The following FHOD3 variants were observed in gnomAD, a reference collection of about 807,000 sequenced individuals.
FHOD3 encodes FH1/FH2 domain-containing protein 3.
FHOD3 carries 90 observed loss-of-function variants against 173.0 expected under a neutral mutation model. The ratio of observed to expected loss-of-function variants is 0.52; its 90% CI spans 0.44 to 0.62. The LOEUF is 0.62. Among genes scored for constraint, FHOD3 ranks in the 20% least tolerant of loss-of-function variants. FHOD3 has a pLI of 0.00. For synonymous variants in FHOD3, 828 were observed against 823.0 expected (o/e 1.01, Z -0.10); for missense variants, 1,945 against 2,034.7 (o/e 0.96, Z 0.85).
chr18:36,402,773 T>A (rs2146704237), intron 3 of FHOD3, among the ~76,000 whole-genome samples: 1 of 152,360 alleles, frequency 6.6e-6, no homozygotes, highest in African/African-American at 2.4e-5. Context: ...ATCTTTCTGA[T>A]TTTTAAGGCT....
At chr18:36,650,348 A>C (rs144173568) in intron 11 of FHOD3, among the ~76,000 whole-genome samples, 73 of 152,258 alleles carry the variant, frequency 4.8e-4, no homozygotes, top group African/African-American at 1.6e-3. Flanking sequence ...AGAAGTTCTC[A>C]GATGGGCTCA....
At chr18:36,515,143 A>C (rs1422408424) in intron 5 of FHOD3, among the ~76,000 whole-genome samples, 2 of 152,218 alleles carry the variant, frequency 1.3e-5, no homozygotes, top group African/African-American at 4.8e-5. Context: ...ATGGGAGATG[A>C]TGTTGATACA....
chr18:36,546,565 C>T (rs1158415952), intron 5 of FHOD3, among the ~76,000 whole-genome samples: 1 of 152,124 alleles, frequency 6.6e-6, no homozygotes, highest in East Asian at 1.9e-4. Flanking sequence ...AGGAAGTTCC[C>T]CTTGTTCCGT....
chr18:36,554,044 G>A (rs2147427570), intron 5 of FHOD3, among the ~76,000 whole-genome samples: 1 of 152,298 alleles, frequency 6.6e-6, no homozygotes, highest in South Asian at 2.1e-4. Flanking sequence ...TGGTGGGACT[G>A]TAAACTAGTT....
intron 1 of FHOD3, among the ~76,000 whole-genome samples, chr18:36,344,901 A>G (rs1371580919): frequency 1.3e-5 from 2 of 152,186 alleles, no homozygotes; most frequent in African/African-American, 4.8e-5. Context: ...TAACAGACGT[A>G]CTCTTCAGGC....
At chr18:36,659,416 A>C (rs2036630650) in intron 14 of FHOD3, among the ~76,000 whole-genome samples, 1 of 152,148 alleles carries the variant, frequency 6.6e-6, no homozygotes, top group Non-Finnish European at 1.5e-5. Context: ...ACCCTAGGGC[A>C]CCTCCTGTTG....
chr18:36,631,919 A>G (rs2034542106), intron 10 of FHOD3, among the ~76,000 whole-genome samples: 1 of 152,260 alleles, frequency 6.6e-6, no homozygotes, highest in South Asian at 2.1e-4. Flanking sequence ...GCTTAATGGT[A>G]CATTAAAAAA....
At chr18:36,653,634 C>T (rs2036215143) in intron 13 of FHOD3, among the ~76,000 whole-genome samples, 1 of 152,124 alleles carries the variant, frequency 6.6e-6, no homozygotes, top group Non-Finnish European at 1.5e-5. Flanking sequence ...AATCAGAACT[C>T]CCCCAAGAAT....
chr18:36,685,802 A>G (rs974890073), intron 15 of FHOD3, among the ~76,000 whole-genome samples: 2 of 152,242 alleles, frequency 1.3e-5, no homozygotes, highest in African/African-American at 4.8e-5. Context: ...GTGAGAGATG[A>G]CTAACCACAT....
chr18:36,496,199 G>A (rs2054735678), intron 3 of FHOD3, among the ~76,000 whole-genome samples: 1 of 152,166 alleles, frequency 6.6e-6, no homozygotes, highest in Admixed American at 6.5e-5. Flanking sequence ...TGTTAGTCCT[G>A]CAGCAAGGAA....
At chr18:36,738,560 T>G (rs1332626495) in intron 20 of FHOD3, among the ~76,000 whole-genome samples, 1 of 152,268 alleles carries the variant, frequency 6.6e-6, no homozygotes, top group Non-Finnish European at 1.5e-5. Flanking sequence ...TCTAAAAGTT[T>G]CATAGTATTC....
chr18:36,664,523 G>C (rs1272431874), intron 14 of FHOD3, among the ~76,000 whole-genome samples: 1 of 152,146 alleles, frequency 6.6e-6, no homozygotes, highest in African/African-American at 2.4e-5. Flanking sequence ...TTCAGAGTGG[G>C]GTCTGGCTCG....
At chr18:36,754,776 C>T (rs981170730) in intron 24 of FHOD3, among the ~76,000 whole-genome samples, 1 of 151,576 alleles carries the variant, frequency 6.6e-6, no homozygotes, top group Non-Finnish European at 1.5e-5. Context: ...TACATATATC[C>T]ATTTTAGAAA....
intron 1 of FHOD3, among the ~76,000 whole-genome samples, chr18:36,306,868 G>A (rs2092114378): frequency 6.6e-6 from 1 of 152,252 alleles, no homozygotes; most frequent in Non-Finnish European, 1.5e-5. Flanking sequence ...AGTCCCTTGT[G>A]TAAAGCCTCT....
intron 6 of FHOD3, 137 bp from the exon 7 acceptor site, chr18:36,594,650 G>A: frequency 1.6e-6 from 1 of 616,688 alleles, no homozygotes; most frequent in Non-Finnish European, 2.9e-6. Context: ...GGATTGTGAG[G>A]ATCTGTGAAG....
chr18:36,732,638 C>A lies in FHOD3; in HGVS notation c.3576+1834C>A, dbSNP rs548428218. ...AGCCTATCGAAAGAGTGAGGGCACA[C>A]GGCAGACCGGAGCAGGGGACATGAA... On this transcript the variant is annotated intron_variant, in intron 20 of 28. Coordinates refer to ENST00000590592, the MANE Select transcript of FHOD3 (RefSeq NM_001281740.3). Among the ~76,000 whole-genome samples the A allele has an allele frequency of 2.4e-3, 359 of 152,278 alleles. 1 individual carries two copies. Among genetic ancestry groups the A allele is most frequent in the Middle Eastern group, 0.02 (6 of 294 alleles).
intron 19 of FHOD3, among the ~76,000 whole-genome samples, chr18:36,721,586 G>T (rs1181519603): frequency 1.3e-5 from 2 of 152,190 alleles, no homozygotes; most frequent in Non-Finnish European, 1.5e-5. Flanking sequence ...GGTCAAGGTT[G>T]CATTGAGCTG....
At chr18:36,630,643 GA>G (rs1420379936) in intron 10 of FHOD3, among the ~76,000 whole-genome samples, 1 of 152,176 alleles carries the variant, frequency 6.6e-6, no homozygotes, top group African/African-American at 2.4e-5. Context: ...CAGGCTTCAC[GA>G]ACCTGTTCAG....
At chr18:36,585,288 G>A (rs2058989482) in intron 6 of FHOD3, among the ~76,000 whole-genome samples, 1 of 152,166 alleles carries the variant, frequency 6.6e-6, no homozygotes. Flanking sequence ...TAATGGCATA[G>A]TCATGTAATA....
Sources: gnomAD v4.1 joint callset for allele counts (sites outside exome capture counted in the v4.1 genomes callset) on GRCh38, gnomAD v4.1.1 for gene constraint, MANE v1.5 for transcripts, NCBI Gene and HGNC (gene_info 2026-07-23, HGNC 2026-07-21) for gene names.